Variants in MAP2 observed in about 807,000 individuals in gnomAD.
The protein encoded by MAP2 is microtubule-associated protein 2.
MAP2 carries 14 observed loss-of-function variants against 137.6 expected under a neutral mutation model. The observed-to-expected ratio is 0.10, with a 90% CI of 0.07 to 0.16. The LOEUF (loss-of-function observed/expected upper bound fraction) is 0.16. Among genes scored for constraint, MAP2 ranks in the 10% least tolerant of loss-of-function variants. The pLI is 1.00. For synonymous variants in MAP2, 786 were observed against 782.3 expected (o/e 1.00, Z -0.08); for missense variants, 2,088 against 2,191.5 (o/e 0.95, Z 0.94).
chr2:209,726,151 T>C, intron 14 of MAP2, among the ~76,000 whole-genome samples: 1 of 152,192 alleles, frequency 6.6e-6, no homozygotes, highest in East Asian at 1.9e-4. Flanking sequence ...AAGGTTTTTT[T>C]TCCTAAAATT....
chr2:209,505,158 T>A (rs770941210), intron 1 of MAP2, among the ~76,000 whole-genome samples: 1 of 152,204 alleles, frequency 6.6e-6, no homozygotes, highest in African/African-American at 2.4e-5. Flanking sequence ...AACGGGAATG[T>A]TCCAAATGTT....
intron 3 of MAP2, among the ~76,000 whole-genome samples, chr2:209,623,898 A>G (rs1414469673): frequency 6.6e-6 from 1 of 152,198 alleles, no homozygotes; most frequent in Non-Finnish European, 1.5e-5. Flanking sequence ...AAATGTTAAG[A>G]CATTCTAACT....
At chr2:209,483,636 G>A (rs963343901) in intron 1 of MAP2, among the ~76,000 whole-genome samples, 1 of 151,998 alleles carries the variant, frequency 6.6e-6, no homozygotes, top group African/African-American at 2.4e-5. Flanking sequence ...GTATTTTGTC[G>A]ATATAGTCTA....
chr2:209,661,718 C>T, intron 5 of MAP2: 2 of 982,432 alleles, frequency 2.0e-6, no homozygotes, highest in Non-Finnish European at 2.4e-6. Flanking sequence ...TGTGGTCTCT[C>T]TACTAGGTGA....
At chr2:209,672,884 G>A (rs1392478734) in intron 5 of MAP2, among the ~76,000 whole-genome samples, 2 of 151,822 alleles carry the variant, frequency 1.3e-5, no homozygotes, top group Non-Finnish European at 2.9e-5. Flanking sequence ...TCTTCAAGTA[G>A]TTTTTGGTGG....
At position 209,693,632 on chromosome 2, in the gene MAP2, G is replaced by A; in HGVS notation, c.1462G>A (p.Glu488Lys). 1 of 1,613,858 alleles carries A rather than the reference G, an allele frequency of 6.2e-7. No individual in the cohort carries two copies. The highest frequency in any genetic ancestry group is 8.5e-7 in the Non-Finnish European group (1 of 1,179,978). ...CACTTTCTCAGAACAGAAAGACCAA[G>A]AGCCTACCACAGATATGTTGAAACA... Reference protein sequence around the residue: ...EHTFSEQKDQEPTTDMLKQDS... With the variant: ...EHTFSEQKDQKPTTDMLKQDS... Residue 488 changes from glutamate to lysine, a missense_variant, in exon 8 of 16, where the codon GAG (glutamate) becomes AAG (lysine). Transcript: ENST00000682079.
intron 5 of MAP2, among the ~76,000 whole-genome samples, chr2:209,654,872 A>G (rs1240205265): frequency 6.6e-6 from 1 of 152,254 alleles, no homozygotes; most frequent in Non-Finnish European, 1.5e-5. Context: ...GAATAAATTC[A>G]AAAAGAAGAA....
chr2:209,597,722 G>A (rs1404253818), intron 3 of MAP2, among the ~76,000 whole-genome samples: 1 of 152,128 alleles, frequency 6.6e-6, no homozygotes, highest in Non-Finnish European at 1.5e-5. Context: ...TCTTCCTGCA[G>A]CTATTGCATT....
intron 1 of MAP2, among the ~76,000 whole-genome samples, chr2:209,468,559 A>G (rs1704800434): frequency 6.6e-6 from 1 of 151,642 alleles, no homozygotes; most frequent in Non-Finnish European, 1.5e-5. Flanking sequence ...TGACCTCATC[A>G]TCCACCCGCC....
chr2:209,474,100 T>C (rs1158320415), intron 1 of MAP2, among the ~76,000 whole-genome samples: 5 of 147,572 alleles, frequency 3.4e-5, no homozygotes, highest in African/African-American at 1.0e-4. Flanking sequence ...TTAGAAGTAG[T>C]ACTCATTACC....
At chr2:209,504,159 G>A (rs1264774842) in intron 1 of MAP2, among the ~76,000 whole-genome samples, 1 of 151,796 alleles carries the variant, frequency 6.6e-6, no homozygotes. Flanking sequence ...GCTTCCAGTT[G>A]TGGGGAGGAG....
chr2:209,545,965 C>A (rs2067971402), intron 2 of MAP2, among the ~76,000 whole-genome samples: 1 of 152,044 alleles, frequency 6.6e-6, no homozygotes, highest in Non-Finnish European at 1.5e-5. Context: ...ACGGTGAAAC[C>A]CCGTCTCTAC....
chr2:209,563,409 A>G (rs2072636126), intron 2 of MAP2, among the ~76,000 whole-genome samples: 1 of 146,852 alleles, frequency 6.8e-6, no homozygotes, highest in South Asian at 2.1e-4. Flanking sequence ...ATTGATGCTC[A>G]AAAAATGCCC....
At chr2:209,435,990 T>TTATAAATAA (rs1695997344) in intron 1 of MAP2, among the ~76,000 whole-genome samples, 1 of 87,980 alleles carries the variant, frequency 1.1e-5, no homozygotes, top group Non-Finnish European at 2.0e-5. Flanking sequence ...ACAGTATATA[T>TTATAAATAA]TATATACTAT....
At chr2:209,457,654 C>G (rs553216461) in intron 1 of MAP2, among the ~76,000 whole-genome samples, 1 of 152,222 alleles carries the variant, frequency 6.6e-6, no homozygotes, top group African/African-American at 2.4e-5. Flanking sequence ...ACAGGGATAT[C>G]CACCATATGT....
At chr2:209,494,762 A>G (rs1222224270) in intron 1 of MAP2, among the ~76,000 whole-genome samples, 2 of 152,232 alleles carry the variant, frequency 1.3e-5, no homozygotes, top group Admixed American at 6.5e-5. Context: ...GCCATCTTCC[A>G]AAGTTTTTGT....
intron 2 of MAP2, among the ~76,000 whole-genome samples, chr2:209,523,051 A>G (rs1186917899): frequency 1.3e-5 from 2 of 152,198 alleles, no homozygotes; most frequent in Non-Finnish European, 2.9e-5. Context: ...AAATTAGTTA[A>G]GTCAGTAAAT....
chr2:209,577,526 T>C (rs1408573648), intron 2 of MAP2, among the ~76,000 whole-genome samples: 1 of 152,182 alleles, frequency 6.6e-6, no homozygotes, highest in African/African-American at 2.4e-5. Context: ...TCTAGCCACA[T>C]TTACTGAGTA....
rs565937094 is a variant in MAP2, at chr2:209,580,612, G to T, written c.-107+512G>T. On this transcript the variant is annotated intron_variant, in intron 3 of 15. Transcript: ENST00000682079. Reference sequence around the variant, plus strand: ...TTGTAACTTCTTTATTGACATTTCAGTCTTTAAAATGGACATATTTAAAGG... The same window carrying T: ...TTGTAACTTCTTTATTGACATTTCATTCTTTAAAATGGACATATTTAAAGG... 3.5e-3 allele frequency among the ~76,000 whole-genome samples: 528 copies of T among 152,224 alleles called. 6 individuals are homozygous for T. Among genetic ancestry groups the T allele is most frequent in the African/African-American group, 0.012 (503 of 41,554 alleles).
Sources: allele counts gnomAD v4.1 joint callset (sites outside exome capture counted in the v4.1 genomes callset), GRCh38; gene constraint gnomAD v4.1.1; transcripts MANE v1.5; gene names NCBI Gene and HGNC (gene_info 2026-07-23, HGNC 2026-07-21).